The following MEGF9 variants were observed in gnomAD, a reference collection of about 807,000 sequenced individuals.
MEGF9 encodes multiple epidermal growth factor-like domains protein 9.
In MEGF9, 6 loss-of-function variants were observed where a neutral mutation model predicts 46.8. The ratio of observed to expected loss-of-function variants is 0.13; its 90% CI spans 0.07 to 0.25. MEGF9 has a LOEUF of 0.25. Among genes scored for constraint, MEGF9 ranks in the 10% least tolerant of loss-of-function variants. The pLI is 1.00. For synonymous variants in MEGF9, 302 were observed against 330.7 expected (o/e 0.91, Z 0.94); for missense variants, 683 against 792.4 (o/e 0.86, Z 1.66).
chr9:120,645,369 C>G (rs1261764870), intron 2 of MEGF9, among the ~76,000 whole-genome samples: 1 of 152,144 alleles, frequency 6.6e-6, no homozygotes, highest in Non-Finnish European at 1.5e-5. Flanking sequence ...TTCATCCTCC[C>G]TTAAAGAATC....
chr9:120,714,463 C>CTGTCAGAGGGAGGTGGCGA lies in MEGF9; in HGVS notation c.-106_-105insTCGCCACCTCCCTCTGACA. On this transcript the variant is annotated 5_prime_UTR_variant, in exon 1 of 6. Transcript: ENST00000373930. ...CCGCCACCGGGCGCACCATCGCCAC[C>CTGTCAGAGGGAGGTGGCGA]TCCCTCTGACAGGCGGCCGGCCCCG... The CTGTCAGAGGGAGGTGGCGA allele has an allele frequency of 9.8e-7, 1 of 1,024,830 alleles. No homozygotes were observed. Among genetic ancestry groups the CTGTCAGAGGGAGGTGGCGA allele is most frequent in the Non-Finnish European group, 1.2e-6 (1 of 805,452 alleles). The allele number at this position is 1,024,830 out of a possible 1,614,324, so 63.5% of individuals were successfully genotyped here. A position where few individuals can be genotyped will look rare whatever the true frequency, so the allele number is the denominator to read the frequency against.
intron 3 of MEGF9, among the ~76,000 whole-genome samples, chr9:120,616,269 T>G (rs1262010215): frequency 6.6e-6 from 1 of 151,954 alleles, no homozygotes. Context: ...AATTATTTAT[T>G]TTTACAATAA....
intron 1 of MEGF9, among the ~76,000 whole-genome samples, chr9:120,684,611 C>T (rs2043813232): frequency 6.6e-6 from 1 of 152,166 alleles, no homozygotes. Context: ...GCTTTATCAT[C>T]GTGACTAAGC....
chr9:120,608,019 G>C lies in MEGF9; in HGVS notation c.1088-9C>G, dbSNP rs533934153. On this transcript the variant is annotated splice_polypyrimidine_tract_variant and intron_variant, in intron 4 of 5. Coordinates refer to ENST00000373930, the MANE Select transcript of MEGF9 (RefSeq NM_001080497.3). ...TTCCAATTCACTCGATTCTAAAAGA[G>C]AGAATGCCAAAATAGTTTAGTACAG... The C allele has an allele frequency of 3.1e-6, 5 of 1,613,126 alleles. No homozygotes were observed. Among genetic ancestry groups the C allele is most frequent in the African/African-American group, 1.3e-5 (1 of 75,024 alleles).
chr9:120,630,056 C>G (rs1461841733), intron 2 of MEGF9, among the ~76,000 whole-genome samples: 1 of 152,132 alleles, frequency 6.6e-6, no homozygotes, highest in East Asian at 1.9e-4. Context: ...TGCTGAGTAG[C>G]CTTTTTTGCT....
intron 1 of MEGF9, among the ~76,000 whole-genome samples, chr9:120,673,835 T>C (rs2043760895): frequency 6.6e-6 from 1 of 151,812 alleles, no homozygotes. Flanking sequence ...CTGGGCGCGG[T>C]GGCAGGCACC....
At chr9:120,683,965 T>A (rs1427032191) in intron 1 of MEGF9, among the ~76,000 whole-genome samples, 2 of 151,800 alleles carry the variant, frequency 1.3e-5, no homozygotes, top group African/African-American at 2.4e-5. Flanking sequence ...AATCCAGGTA[T>A]AAATACAAAT....
rs2043418136 is a variant in MEGF9, at chr9:120,605,829, A to C, written c.1358-188T>G. ...ATAAGGGTAAGAATCAGGGTCTAGA[A>C]AGCTAGATTATTACATCTATGGCTG... On this transcript the variant is annotated intron_variant, in intron 5 of 5. Coordinates refer to ENST00000373930, the MANE Select transcript of MEGF9 (RefSeq NM_001080497.3). The surrounding 1 kb of genome is among the most constrained non-coding windows in gnomAD (Gnocchi z 4.0). Among the ~76,000 whole-genome samples, 1 of 152,218 alleles carries C rather than the reference A, an allele frequency of 6.6e-6. No individual in the cohort carries two copies. The highest frequency in any genetic ancestry group is 2.1e-4 in the South Asian group (1 of 4,836).
intron 1 of MEGF9, among the ~76,000 whole-genome samples, chr9:120,705,507 T>C (rs1424986677): frequency 6.7e-6 from 1 of 148,216 alleles, no homozygotes; most frequent in African/African-American, 2.5e-5. Flanking sequence ...GGCTTTAAAT[T>C]GAAAAAAAAT....
chr9:120,630,988 C>T (rs760887343), intron 2 of MEGF9, among the ~76,000 whole-genome samples: 1 of 152,112 alleles, frequency 6.6e-6, no homozygotes, highest in Non-Finnish European at 1.5e-5. Context: ...TAACTGGATC[C>T]GATCCCATTT....
intron 1 of MEGF9, among the ~76,000 whole-genome samples, chr9:120,690,519 G>C (rs2043843454): frequency 6.6e-6 from 1 of 152,088 alleles, no homozygotes; most frequent in Non-Finnish European, 1.5e-5. Context: ...CAATGCTTGG[G>C]GCAGCTTCTC....
intron 1 of MEGF9, among the ~76,000 whole-genome samples, chr9:120,683,003 G>GA (rs1347843306): frequency 6.6e-6 from 1 of 152,182 alleles, no homozygotes; most frequent in Admixed American, 6.5e-5. Context: ...AGTGAGTAGA[G>GA]AAAATGTACT....
intron 1 of MEGF9, among the ~76,000 whole-genome samples, chr9:120,683,048 T>A (rs1315583327): frequency 6.6e-6 from 1 of 152,054 alleles, no homozygotes; most frequent in Non-Finnish European, 1.5e-5. Flanking sequence ...TAGGGAGGAA[T>A]AGGAGAATAT....
At chr9:120,608,093 A>G (rs2043427737) in intron 4 of MEGF9, 83 bp from the exon 5 acceptor site, 1 of 1,500,420 alleles carries the variant, frequency 6.7e-7, no homozygotes, top group Non-Finnish European at 9.1e-7. Context: ...CCTTAAAAAG[A>G]TTTATAATCC....
At chr9:120,611,153 G>T (rs559289034) in intron 4 of MEGF9, among the ~76,000 whole-genome samples, 1 of 152,264 alleles carries the variant, frequency 6.6e-6, no homozygotes, top group South Asian at 2.1e-4. Flanking sequence ...GAATGAGAAT[G>T]CAAAATGGTG....
chr9:120,634,482 A>G (rs1159860190), intron 2 of MEGF9, among the ~76,000 whole-genome samples: 1 of 15,272 alleles, frequency 6.5e-5, no homozygotes, highest in African/African-American at 1.5e-4. Flanking sequence ...TTTGAGACGG[A>G]GTCTCGCTGT....
intron 2 of MEGF9, among the ~76,000 whole-genome samples, chr9:120,633,193 A>T (rs1260156566): frequency 6.6e-6 from 1 of 152,164 alleles, no homozygotes; most frequent in Non-Finnish European, 1.5e-5. Context: ...TATGTTTGGT[A>T]GAATTTGGCT....
intron 2 of MEGF9, among the ~76,000 whole-genome samples, chr9:120,652,177 CACACA>C (rs1322582434): frequency 1.1e-3 from 16 of 14,080 alleles, no homozygotes; most frequent in African/African-American, 3.0e-3. Flanking sequence ...CACACACACA[CACACA>C]AAAAAAAAAA....
At chr9:120,696,600 T>C (rs954664742) in intron 1 of MEGF9, among the ~76,000 whole-genome samples, 6 of 152,194 alleles carry the variant, frequency 3.9e-5, no homozygotes, top group African/African-American at 1.2e-4. Context: ...AAAATAAGCA[T>C]AGTATTTGAA....
Sources: gnomAD v4.1 joint callset for allele counts (sites outside exome capture counted in the v4.1 genomes callset) on GRCh38, gnomAD v4.1.1 for gene constraint, Gnocchi (gnomAD v3.1) non-coding constraint, MANE v1.5 for transcripts, NCBI Gene and HGNC (gene_info 2026-07-23, HGNC 2026-07-21) for gene names.